COL24A1: variants seen among roughly 807,000 people sequenced by gnomAD.
COL24A1 encodes the protein collagen type XXIV alpha 1 chain.
A neutral mutation model predicts 253.9 loss-of-function variants in COL24A1; 224 were observed. The observed-to-expected ratio is 0.88, with a 90% confidence interval of 0.79 to 0.99. COL24A1 has a LOEUF of 0.99. Among genes scored for constraint, COL24A1 ranks in the 50% least tolerant of loss-of-function variants. The pLI is 0.00. For synonymous variants in COL24A1, 685 were observed against 673.7 expected (o/e 1.02, Z -0.26); for missense variants, 2,131 against 2,068.5 (o/e 1.03, Z -0.59).
intron 37 of COL24A1, among the ~76,000 whole-genome samples, chr1:85,865,641 C>T (rs1208249670): frequency 3.3e-5 from 5 of 152,116 alleles, no homozygotes; most frequent in Non-Finnish European, 5.9e-5. Context: ...TAGACTTTCC[C>T]TTTTCTTAAT....
chr1:85,951,140 C>A lies in COL24A1; in HGVS notation c.2562+10109G>T, dbSNP rs139507816. On this transcript the variant is annotated intron_variant, in intron 24 of 59. Transcript: ENST00000370571. ...GTAGCAAATAAATTTTAAAAATTAC[C>A]TTTCATTTCTTAATTTATCATAGTT... 5.9e-5 allele frequency among the ~76,000 whole-genome samples: 9 copies of A among 152,262 alleles called. No individual in the cohort carries two copies. In the East Asian group the frequency reaches 1.5e-3, roughly 26 times the overall value.
At chr1:85,996,128 A>G (rs11161713) in intron 19 of COL24A1, among the ~76,000 whole-genome samples, 41,925 of 152,036 alleles carry the variant, frequency 0.28, 6,758 homozygotes, top group Non-Finnish European at 0.35. Flanking sequence ...AGCTGCAACA[A>G]AAAAAGGTAA....
chr1:85,730,451 C>T lies in COL24A1; in HGVS notation c.*95G>A, dbSNP rs1464337957. 4.8e-5 allele frequency: 63 copies of T among 1,309,490 alleles called. 1 individual carries two copies. In the South Asian group the frequency reaches 8.9e-4, roughly 18 times the overall value. 81.1% of individuals were successfully genotyped at this position (1,309,490 alleles called of 1,614,324 possible). On this transcript the variant is annotated 3_prime_UTR_variant, in exon 60 of 60. Transcript: ENST00000370571. ...TTAAGATTTAGCCAATGCTTTATTA[C>T]ATGCATTTCATAATGACTGTATCTG...
chr1:86,041,487 G>T (rs1699477554), intron 12 of COL24A1, among the ~76,000 whole-genome samples: 1 of 152,052 alleles, frequency 6.6e-6, no homozygotes, highest in Non-Finnish European at 1.5e-5. Flanking sequence ...ATTAAATCAA[G>T]CTGAGAGCTC....
chr1:86,132,586 C>T (rs1392631205), intron 2 of COL24A1, among the ~76,000 whole-genome samples: 2 of 152,206 alleles, frequency 1.3e-5, no homozygotes, highest in Non-Finnish European at 2.9e-5. Context: ...CTACATGTGG[C>T]TAGCCAGTTT....
intron 35 of COL24A1, among the ~76,000 whole-genome samples, chr1:85,874,381 CAGTGACTCCACATTTTTGGTA>C (rs1680891986): frequency 6.6e-6 from 1 of 152,136 alleles, no homozygotes; most frequent in Non-Finnish European, 1.5e-5. Flanking sequence ...GTGACAATCA[CAGTGACTCCACATTTTTGGTA>C]AGGGTTCTGC....
intron 53 of COL24A1, among the ~76,000 whole-genome samples, chr1:85,770,123 C>T (rs943085500): frequency 6.6e-6 from 1 of 152,138 alleles, no homozygotes; most frequent in Non-Finnish European, 1.5e-5. Context: ...TACATATGCT[C>T]TTGCTTCCTG....
chr1:85,933,251 T>C (rs899726217), intron 24 of COL24A1, among the ~76,000 whole-genome samples: 1 of 152,186 alleles, frequency 6.6e-6, no homozygotes, highest in African/African-American at 2.4e-5. Flanking sequence ...CTCTATTCAG[T>C]ATCTAATTTT....
chr1:85,769,269 A>T (rs902928785), intron 53 of COL24A1, among the ~76,000 whole-genome samples: 1 of 152,218 alleles, frequency 6.6e-6, no homozygotes, highest in Non-Finnish European at 1.5e-5. Context: ...TCAAGGCTAC[A>T]TTCTAGTGAG....
At chr1:85,731,785 T>G (rs1222225716) in intron 59 of COL24A1, among the ~76,000 whole-genome samples, 1 of 152,164 alleles carries the variant, frequency 6.6e-6, no homozygotes, top group Non-Finnish European at 1.5e-5. Context: ...TGTAGATAGT[T>G]AGTAAATTCC....
chr1:86,152,999 T>C (rs887128591), intron 1 of COL24A1, among the ~76,000 whole-genome samples: 8 of 152,178 alleles, frequency 5.3e-5, no homozygotes, highest in African/African-American at 1.7e-4. Context: ...TCTGTTTATC[T>C]CTCCAGCTCC....
At chr1:86,000,711 G>A (rs663463) in intron 19 of COL24A1, among the ~76,000 whole-genome samples, 27,342 of 152,094 alleles carry the variant, frequency 0.18, 3,126 homozygotes, top group African/African-American at 0.32. Context: ...CCACCCTGAC[G>A]GAAAAAGAGG....
intron 24 of COL24A1, among the ~76,000 whole-genome samples, chr1:85,930,489 G>A: frequency 2.0e-5 from 1 of 50,176 alleles, no homozygotes; most frequent in Non-Finnish European, 3.8e-5. Context: ...ATTCACAGCC[G>A]AATTCTACCA....
At chr1:85,886,378 A>G (rs1366296483) in intron 32 of COL24A1, among the ~76,000 whole-genome samples, 1 of 150,296 alleles carries the variant, frequency 6.7e-6, no homozygotes, top group African/African-American at 2.4e-5. Flanking sequence ...AGAATCAAAA[A>G]TGGTTGGCTG....
At chr1:85,876,574 G>A (rs149856127) in intron 33 of COL24A1, among the ~76,000 whole-genome samples, 5 of 152,248 alleles carry the variant, frequency 3.3e-5, no homozygotes, top group African/African-American at 1.2e-4. Flanking sequence ...AAGTCACTGT[G>A]ATAATATGAT....
At chr1:85,969,900 G>A (rs1223498854) in intron 22 of COL24A1, among the ~76,000 whole-genome samples, 1 of 151,944 alleles carries the variant, frequency 6.6e-6, no homozygotes, top group African/African-American at 2.4e-5. Flanking sequence ...AACACATTTA[G>A]AAAACAGGAA....
chr1:85,756,973 T>C (rs968993277), intron 55 of COL24A1, among the ~76,000 whole-genome samples: 7 of 152,338 alleles, frequency 4.6e-5, no homozygotes, highest in Admixed American at 3.9e-4. Context: ...AAATATTGTA[T>C]GACTTAACTT....
At chr1:86,143,975 T>C (rs1557810332) in intron 2 of COL24A1, among the ~76,000 whole-genome samples, 1 of 152,162 alleles carries the variant, frequency 6.6e-6, no homozygotes, top group Non-Finnish European at 1.5e-5. Context: ...GTCTCCTGAT[T>C]AGATGTTACA....
intron 34 of COL24A1, among the ~76,000 whole-genome samples, chr1:85,874,928 A>G (rs1407992186): frequency 6.6e-6 from 1 of 152,158 alleles, no homozygotes; most frequent in African/African-American, 2.4e-5. Flanking sequence ...AGATTCTCAT[A>G]GAAACACGAA....
Sources: gnomAD v4.1 joint callset for allele counts (sites outside exome capture counted in the v4.1 genomes callset) on GRCh38, gnomAD v4.1.1 for gene constraint, MANE v1.5 for transcripts, NCBI Gene and HGNC (gene_info 2026-07-23, HGNC 2026-07-21) for gene names.